Variants in AGBL4 observed in about 807,000 individuals in gnomAD.
The protein encoded by AGBL4 is AGBL carboxypeptidase 4.
A neutral mutation model predicts 66.4 loss-of-function variants in AGBL4; 58 were observed. The observed-to-expected ratio is 0.87, with a 90% CI of 0.71 to 1.09. The LOEUF is 1.09. Ranked by LOEUF, AGBL4 falls within the 50% of genes least tolerant of loss-of-function variation. The pLI is 0.00. For missense variants in AGBL4, 579 were observed against 631.0 expected (o/e 0.92, Z 0.88); for synonymous variants, 234 against 222.9 (o/e 1.05, Z -0.44).
At chr1:48,916,155 T>C (rs1653563536) in intron 5 of AGBL4, among the ~76,000 whole-genome samples, 1 of 152,216 alleles carries the variant, frequency 6.6e-6, no homozygotes. Context: ...TGATGAATGA[T>C]TGACTGAAGG....
Position 49,714,591 on chromosome 1 carries a change from T to TATAC in AGBL4, c.158-17158_158-17155dup, listed in dbSNP as rs548736220. On this transcript the variant is annotated intron_variant, in intron 2 of 13. Coordinates refer to ENST00000371839, the MANE Select transcript of AGBL4 (RefSeq NM_032785.4). ...TTACATATATATATATATATATATA[T>TATAC]ATACACACACACACATATATATATA... is the stretch of plus-strand genomic sequence containing the variant. Among the ~76,000 whole-genome samples, 3 of 136,020 alleles carry TATAC rather than the reference T, an allele frequency of 2.2e-5. No homozygotes were observed. The East Asian group carries it at 5.9e-4, about 27-fold the overall frequency. 89.2% of individuals were successfully genotyped at this position (136,020 alleles called of 152,430 possible). A position where few individuals can be genotyped will look rare whatever the true frequency, so the allele number is the denominator to read the frequency against.
intron 6 of AGBL4, among the ~76,000 whole-genome samples, chr1:48,723,439 T>C (rs1389164839): frequency 6.6e-6 from 1 of 152,164 alleles, no homozygotes; most frequent in Non-Finnish European, 1.5e-5. Flanking sequence ...TTTTGATCCT[T>C]AGATTCCATG....
Position 49,713,795 on chromosome 1 carries a change from TCTC to T in AGBL4, c.158-16361_158-16359del, listed in dbSNP as rs376531009. Among the ~76,000 whole-genome samples, 24 of 151,868 alleles carry T rather than the reference TCTC, an allele frequency of 1.6e-4. 1 individual carries two copies. In the East Asian group the frequency reaches 4.1e-3, roughly 26 times the overall value. ...AATGTAAAATTTCTGCTTAGAAAAG[TCTC>T]CTCATTTTTTTTTAAGAGATAGGGT... On this transcript the variant is annotated intron_variant, in intron 2 of 13. Transcript: ENST00000371839.
At chr1:50,002,422 T>A (rs1472708107) in intron 1 of AGBL4, among the ~76,000 whole-genome samples, 1 of 136,846 alleles carries the variant, frequency 7.3e-6, no homozygotes, top group Non-Finnish European at 1.5e-5. Flanking sequence ...CAGGCTGGAG[T>A]GCAGTGGCGC....
At chr1:49,549,547 A>G (rs1281148921) in intron 3 of AGBL4, among the ~76,000 whole-genome samples, 3 of 152,140 alleles carry the variant, frequency 2.0e-5, no homozygotes, top group Non-Finnish European at 4.4e-5. Flanking sequence ...CCCAATGCTC[A>G]TTCAGGAGCA....
At chr1:48,799,760 T>C (rs1260211344) in intron 6 of AGBL4, among the ~76,000 whole-genome samples, 1 of 152,192 alleles carries the variant, frequency 6.6e-6, no homozygotes, top group Non-Finnish European at 1.5e-5. Context: ...GATCATGTGA[T>C]TTTATTTGTC....
At chr1:49,875,843 G>C (rs1469974000) in intron 1 of AGBL4, among the ~76,000 whole-genome samples, 5 of 145,954 alleles carry the variant, frequency 3.4e-5, no homozygotes. Flanking sequence ...TTTAATGATT[G>C]CCATTCTAAC....
intron 3 of AGBL4, among the ~76,000 whole-genome samples, chr1:49,477,636 A>G (rs557661851): frequency 1.3e-5 from 2 of 152,052 alleles, no homozygotes; most frequent in African/African-American, 2.4e-5. Flanking sequence ...GACTGCAATA[A>G]ATAACAAACT....
chr1:48,703,376 C>T (rs1008229648), intron 6 of AGBL4, among the ~76,000 whole-genome samples: 1 of 151,864 alleles, frequency 6.6e-6, no homozygotes, highest in African/African-American at 2.4e-5. Context: ...GTGATGAGGA[C>T]AAATTTGAGC....
chr1:49,558,145 G>C (rs1196694245), intron 3 of AGBL4, among the ~76,000 whole-genome samples: 1 of 151,980 alleles, frequency 6.6e-6, no homozygotes, highest in Non-Finnish European at 1.5e-5. Flanking sequence ...ACTACCTCAA[G>C]GGCTGTGCGT....
rs901964022 is a variant in AGBL4, at chr1:49,081,907, C to T, written c.378-36107G>A. ...GTAATGACCTTTTCCACGTGTTTGG[C>T]ACAGTCCTTCCCTAAGGAAGTTGGC... On this transcript the variant is annotated intron_variant, in intron 4 of 13. Coordinates refer to ENST00000371839, the MANE Select transcript of AGBL4 (RefSeq NM_032785.4). 8.5e-5 allele frequency among the ~76,000 whole-genome samples: 13 copies of T among 152,246 alleles called. No homozygotes were observed. The East Asian group carries it at 1.5e-3, about 18-fold the overall frequency.
At chr1:48,658,624 T>A (rs983826248) in intron 7 of AGBL4, among the ~76,000 whole-genome samples, 6 of 151,966 alleles carry the variant, frequency 3.9e-5, no homozygotes, top group Non-Finnish European at 8.8e-5. Context: ...TCTAGAAAAG[T>A]GAAAGGCCCC....
At chr1:49,929,177 G>A (rs1054786496) in intron 1 of AGBL4, among the ~76,000 whole-genome samples, 3 of 151,998 alleles carry the variant, frequency 2.0e-5, no homozygotes, top group Admixed American at 6.6e-5. Flanking sequence ...AGGGGAGGGG[G>A]GCAAAGATTG....
At chr1:48,552,195 C>G (rs571957088) in intron 11 of AGBL4, among the ~76,000 whole-genome samples, 1 of 152,290 alleles carries the variant, frequency 6.6e-6, no homozygotes, top group Non-Finnish European at 1.5e-5. Flanking sequence ...TCCCAAGTAG[C>G]TGGGACTACA....
intron 1 of AGBL4, among the ~76,000 whole-genome samples, chr1:49,926,583 A>T (rs1476822863): frequency 1.3e-5 from 2 of 152,246 alleles, no homozygotes; most frequent in African/African-American, 4.8e-5. Context: ...TCCCAGAGGG[A>T]CAAAGATGAG....
intron 1 of AGBL4, among the ~76,000 whole-genome samples, chr1:49,879,589 T>G (rs1647150097): frequency 6.7e-6 from 1 of 148,192 alleles, no homozygotes; most frequent in East Asian, 2.0e-4. Flanking sequence ...TGGCTGCCCT[T>G]AACATTTTTT....
intron 5 of AGBL4, among the ~76,000 whole-genome samples, chr1:49,039,548 C>G (rs1368470232): frequency 6.6e-6 from 1 of 152,064 alleles, no homozygotes; most frequent in Non-Finnish European, 1.5e-5. Flanking sequence ...AACAAACAAA[C>G]TGAGCAGAGG....
chr1:48,918,714 CTG>C (rs1653828449), intron 5 of AGBL4, among the ~76,000 whole-genome samples: 2 of 152,158 alleles, frequency 1.3e-5, no homozygotes, highest in Admixed American at 6.5e-5. Flanking sequence ...GCCCCCAGAA[CTG>C]TGAGAAATTG....
At chr1:49,508,633 T>C (rs1309988109) in intron 3 of AGBL4, among the ~76,000 whole-genome samples, 2 of 151,950 alleles carry the variant, frequency 1.3e-5, no homozygotes, top group Non-Finnish European at 2.9e-5. Flanking sequence ...CTAGTTTGGC[T>C]AGATATTCAT....
Sources: gnomAD v4.1 joint callset for allele counts (sites outside exome capture counted in the v4.1 genomes callset) on GRCh38, gnomAD v4.1.1 for gene constraint, MANE v1.5 for transcripts, NCBI Gene and HGNC (gene_info 2026-07-23, HGNC 2026-07-21) for gene names.